Variants in IDS observed in about 807,000 individuals in gnomAD.
The protein encoded by IDS is alpha-L-iduronate sulfate sulfatase.
Under a neutral mutation model 33.5 loss-of-function variants are expected in IDS, and 1 was observed. That is an observed-to-expected ratio of 0.03 (90% CI 0.01 to 0.14). The LOEUF (loss-of-function observed/expected upper bound fraction) is 0.14. IDS is among the 10% of genes least tolerant of loss of function. The pLI, the probability that IDS is intolerant of heterozygous loss-of-function variation, is 1.00. For synonymous variants in IDS, 191 were observed against 184.4 expected (o/e 1.04, Z -0.29); for missense variants, 328 against 448.0 (o/e 0.73, Z 2.42).
intron 4 of IDS, 35 bp from the exon 5 acceptor site, chrX:149,498,342 A>G: frequency 9.0e-7 from 1 of 1,106,019 alleles, no homozygotes; most frequent in Non-Finnish European, 1.2e-6. Flanking sequence ...TCAGCTTTTT[A>G]AGTGCAAGAA....
At position 149,497,018 on chromosome X, in the gene IDS, C is replaced by T. The variant is rs782593037; in HGVS notation, c.709-502G>A. 3.6e-5 allele frequency among the ~76,000 whole-genome samples: 4 copies of T among 112,399 alleles called. No homozygotes were observed. The East Asian group carries it at 1.1e-3, about 32-fold the overall frequency. On this transcript the variant is annotated intron_variant, in intron 5 of 8. Transcript: ENST00000340855. ...TTCAAGTCCTCTTCCAGGGAAGTCA[C>T]ATAGGATACTTACTTCTCCCAGCAA...
rs1424032656 is a variant in IDS, at chrX:149,480,567, G to A, written c.*2179C>T. 3.1e-5 allele frequency: 9 copies of A among 288,872 alleles called. No homozygotes were observed. The highest frequency in any genetic ancestry group is 6.2e-5 in the Admixed American group (1 of 16,075). The allele number at this position is 288,872 out of a possible 1,213,427, so 23.8% of individuals were successfully genotyped here. On this transcript the variant is annotated 3_prime_UTR_variant, in exon 9 of 9. Coordinates refer to ENST00000340855, the MANE Select transcript of IDS (RefSeq NM_000202.8). ...ACGATCTTCATTCACTGAAACCTCC[G>A]TCTCCTGGTTCAAGCGATTCTTGTG...
chrX:149,501,128 G>T, intron 3 of IDS, 91 bp from the exon 4 acceptor site: 1 of 581,751 alleles, frequency 1.7e-6, no homozygotes, highest in Non-Finnish European at 2.9e-6. Flanking sequence ...TGGGCAAGTG[G>T]AACCTCCCTT....
chrX:149,488,312 G>A (rs1166672984), intron 7 of IDS, among the ~76,000 whole-genome samples: 6 of 99,200 alleles, frequency 6.0e-5, no homozygotes, highest in Non-Finnish European at 1.2e-4. Context: ...CTTGACCCAC[G>A]AGGGCTGATG....
rs1557337560 is a variant in IDS, at chrX:149,482,757, A to G, written c.1642T>C (p.Leu548=). The G allele has an allele frequency of 3.3e-6, 4 of 1,211,305 alleles. No homozygotes were observed. The Admixed American group carries it at 8.7e-5, about 26-fold the overall frequency. Residue 548 remains leucine (L), a synonymous_variant, in exon 9 of 9, where the codon TTG becomes CTG. Coordinates refer to ENST00000340855, the MANE Select transcript of IDS (RefSeq NM_000202.8). ...DSQGGDLFQL[L]MP ...ATGGTTGGCAAAACTCAAGGCATCAACAACTGGAAAAGATCTCCACCTTGG... is the reference window on the plus strand; with the variant it reads ...ATGGTTGGCAAAACTCAAGGCATCAGCAACTGGAAAAGATCTCCACCTTGG...
chrX:149,482,898 C>T lies in IDS; in HGVS notation c.1501G>A (p.Val501Met). 2.5e-6 allele frequency: 3 copies of T among 1,211,650 alleles called. No individual in the cohort carries two copies. Among genetic ancestry groups the T allele is most frequent in the Non-Finnish European group, 3.4e-6 (3 of 895,274 alleles). The change falls in exon 9 of 9, where the codon GTG (valine) becomes ATG (methionine). Residue 501 changes from valine (V) to methionine (M), a missense_variant. Around this residue, in one of 4 missense-constraint regions of IDS, gnomAD observed 265 missense variants for 339.2 expected, o/e 0.78. Transcript: ENST00000340855. ...SIRTIDYRYT[V>M]WVGFNPDEFL... The stretch of plus-strand genomic sequence containing the variant: ...TCATCAGGATTGAAGCCAACCCACA[C>T]AGTATACCTATAGTCTATGGTGCGT...
chrX:149,484,276 G>A (rs1261976173), intron 8 of IDS, among the ~76,000 whole-genome samples: 1 of 112,586 alleles, frequency 8.9e-6, no homozygotes, highest in East Asian at 2.8e-4. Context: ...CAATGCACAA[G>A]TGTTCCAATT....
chrX:149,485,214 C>G (rs965536977), intron 8 of IDS, among the ~76,000 whole-genome samples: 1 of 112,036 alleles, frequency 8.9e-6, no homozygotes, highest in Admixed American at 9.5e-5. Context: ...GCTCCTGTGC[C>G]GGGCTGTGAC....
Position 149,480,032 on chromosome X carries a change from G to T in IDS, c.*2714C>A, listed in dbSNP as rs2089287566. 1 of 286,595 alleles carries T rather than the reference G, an allele frequency of 3.5e-6. No individual in the cohort carries two copies. The highest frequency in any genetic ancestry group is 2.7e-5 in the African/African-American group (1 of 36,619). The allele number at this position is 286,595 out of a possible 1,213,427, so 23.6% of individuals were successfully genotyped here. ...GGTCATGAATGAATGGGTGAAGAGA[G>T]GGATGGGACAACCTAGTAGGAGGGA... On this transcript the variant is annotated 3_prime_UTR_variant, in exon 9 of 9. Coordinates refer to ENST00000340855, the MANE Select transcript of IDS (RefSeq NM_000202.8).
chrX:149,490,483 A>G, intron 6 of IDS, 43 bp from the exon 7 acceptor site: 1 of 1,190,788 alleles, frequency 8.4e-7, no homozygotes. Flanking sequence ...ACTGCAATTT[A>G]AATTGCCAAG....
chrX:149,498,870 T>G lies in IDS; in HGVS notation c.508-563A>C, dbSNP rs782548542. On this transcript the variant is annotated intron_variant, in intron 4 of 8. Coordinates refer to ENST00000340855, the MANE Select transcript of IDS (RefSeq NM_000202.8). ...ATAGTGCAGCCACTTTGAAAGCCAG[T>G]CTGGCAATTCCTCAAACAGTTAAAC... Among the ~76,000 whole-genome samples, 8 of 112,680 alleles carry G rather than the reference T, an allele frequency of 7.1e-5. No homozygotes were observed. In the Middle Eastern group the frequency reaches 0.014, roughly 193 times the overall value.
chrX:149,504,993 G>A (rs781965465), intron 1 of IDS, 42 bp downstream of exon 1: 1 of 964,855 alleles, frequency 1.0e-6, no homozygotes, highest in South Asian at 2.0e-5. Context: ...AGGAAGGGAG[G>A]GAGGAAGGGA....
intron 7 of IDS, 51 bp from the exon 8 acceptor site, chrX:149,487,149 C>A (rs782377168): frequency 8.3e-7 from 1 of 1,208,480 alleles, no homozygotes; most frequent in South Asian, 1.8e-5. Flanking sequence ...CATCATACCA[C>A]AGCTTGTTTA....
intron 8 of IDS, among the ~76,000 whole-genome samples, chrX:149,483,832 T>G (rs1440062350): frequency 3.6e-5 from 4 of 112,234 alleles, no homozygotes; most frequent in African/African-American, 1.3e-4. Context: ...ACCCAGCAAC[T>G]GGAAACCACC....
At chrX:149,492,786 G>GT (rs2089404172) in intron 6 of IDS, among the ~76,000 whole-genome samples, 1 of 110,578 alleles carries the variant, frequency 9.0e-6, no homozygotes, top group Non-Finnish European at 1.9e-5. Flanking sequence ...AACAAAGCAA[G>GT]GCCCACTGAG....
intron 7 of IDS, among the ~76,000 whole-genome samples, chrX:149,489,862 G>C (rs1557338534): frequency 9.0e-6 from 1 of 110,895 alleles, no homozygotes; most frequent in African/African-American, 3.3e-5. Flanking sequence ...GGGAGATAAA[G>C]ACTTGAAAAG....
chrX:149,487,293 T>C, intron 7 of IDS, 195 bp from the exon 8 acceptor site: 2 of 1,202,470 alleles, frequency 1.7e-6, no homozygotes, highest in East Asian at 3.0e-5. Flanking sequence ...CAAAATCAGG[T>C]ATTTGTCCTC....
chrX:149,501,843 C>T (rs1247032094), intron 3 of IDS, among the ~76,000 whole-genome samples: 2 of 111,465 alleles, frequency 1.8e-5, no homozygotes, highest in African/African-American at 3.3e-5. Flanking sequence ...AAGAGGGCAG[C>T]GGGTGGAGGG....
At chrX:149,500,108 A>G (rs139883028) in intron 4 of IDS, among the ~76,000 whole-genome samples, 114 of 111,412 alleles carry the variant, frequency 1.0e-3, no homozygotes, top group African/African-American at 3.6e-3. Context: ...GAGATTTAGT[A>G]TTGTCAGACC....
Sources: gnomAD v4.1 joint callset for allele counts (sites outside exome capture counted in the v4.1 genomes callset) on GRCh38, gnomAD v4.1.1 for gene constraint, gnomAD v4.1.1 regional missense constraint, MANE v1.5 for transcripts, NCBI Gene and HGNC (gene_info 2026-07-23, HGNC 2026-07-21) for gene names.